The following TARP variants were observed in gnomAD, a reference collection of about 807,000 sequenced individuals.
At chr7:38,259,750 G>A in the TARP span, 1 of 207,254 alleles carries the variant, frequency 4.8e-6, no homozygotes. Flanking sequence ...AGGCTTCCAG[G>A]CAGTTATCTG....
chr7:38,263,311 C>A, the TARP span, among the ~76,000 whole-genome samples: 1 of 151,912 alleles, frequency 6.6e-6, no homozygotes, highest in Non-Finnish European at 1.5e-5. Context: ...GTGCAGGCAA[C>A]TTGCCGAGAA....
At chr7:38,262,025 A>T in the TARP span, 1 of 718,798 alleles carries the variant, frequency 1.4e-6, no homozygotes, top group African/African-American at 1.8e-5. Context: ...TTGTTAATAC[A>T]ACTCCTAGAA....
chr7:38,260,620 C>G, the TARP span, among the ~76,000 whole-genome samples: 1 of 151,610 alleles, frequency 6.6e-6, no homozygotes, highest in East Asian at 1.9e-4. Flanking sequence ...TGAGGTTTTG[C>G]AAGAGATATG....
chr7:38,267,838 T>C, the TARP span, among the ~76,000 whole-genome samples: 2 of 151,528 alleles, frequency 1.3e-5, no homozygotes, highest in Non-Finnish European at 2.9e-5. Flanking sequence ...CTAGTGTCTC[T>C]TCATTGAAAT....
At chr7:38,268,861 A>G in the TARP span, among the ~76,000 whole-genome samples, 2 of 151,336 alleles carry the variant, frequency 1.3e-5, no homozygotes, top group Non-Finnish European at 2.9e-5. Flanking sequence ...GCAACTCTCC[A>G]TAGTAGATCC....
At chr7:38,272,856 C>T in the TARP span, among the ~76,000 whole-genome samples, 18 of 151,054 alleles carry the variant, frequency 1.2e-4, no homozygotes, top group East Asian at 1.2e-3. Context: ...AAAAGAGAAT[C>T]GGAAGGTCAC....
the TARP span, among the ~76,000 whole-genome samples, chr7:38,271,399 G>A: frequency 1.3e-5 from 2 of 151,422 alleles, no homozygotes; most frequent in East Asian, 3.9e-4. Context: ...ATGGGGAGGT[G>A]CCTTATGTAT....
the TARP span, among the ~76,000 whole-genome samples, chr7:38,260,940 T>A: frequency 6.6e-6 from 1 of 151,778 alleles, no homozygotes; most frequent in East Asian, 1.9e-4. Context: ...CTAGTCGCAT[T>A]CTTTGTGCAT....
At chr7:38,265,558 A>G in the TARP span, 6 of 1,612,128 alleles carry the variant, frequency 3.7e-6, 1 homozygote, top group African/African-American at 8.1e-5. Flanking sequence ...TATCTTAATA[A>G]CATCAGGGAA....
the TARP span, among the ~76,000 whole-genome samples, chr7:38,272,782 T>C: frequency 6.6e-6 from 1 of 150,418 alleles, no homozygotes; most frequent in African/African-American, 2.5e-5. Context: ...TCCTGAAAAA[T>C]CACTTCTCAG....
At chr7:38,269,793 A>T in the TARP span, among the ~76,000 whole-genome samples, 1 of 152,064 alleles carries the variant, frequency 6.6e-6, no homozygotes, top group African/African-American at 2.4e-5. Flanking sequence ...AGATATAAAA[A>T]AGCAATTTGA....
At chr7:38,273,304 CAA>C in the TARP span, among the ~76,000 whole-genome samples, 3 of 148,706 alleles carry the variant, frequency 2.0e-5, no homozygotes, top group South Asian at 6.4e-4. Context: ...AATAAAATCT[CAA>C]AACTAAACTT....
the TARP span, among the ~76,000 whole-genome samples, chr7:38,268,158 C>T: frequency 2.6e-5 from 4 of 151,080 alleles, no homozygotes; most frequent in East Asian, 7.7e-4. Flanking sequence ...AAGTATGGTA[C>T]ATTTTTACTT....
At chr7:38,264,516 G>A in the TARP span, among the ~76,000 whole-genome samples, 125 of 151,554 alleles carry the variant, frequency 8.2e-4, no homozygotes, top group African/African-American at 1.2e-3. Context: ...ACTTGAACCC[G>A]GGAGGTGGAG....
At chr7:38,264,497 A>C in the TARP span, among the ~76,000 whole-genome samples, 1 of 151,530 alleles carries the variant, frequency 6.6e-6, no homozygotes, top group Non-Finnish European at 1.5e-5. Flanking sequence ...AGGCTGAAGT[A>C]AGAGAATCAC....
chr7:38,262,682 T>TGGA, the TARP span, among the ~76,000 whole-genome samples: 1 of 151,598 alleles, frequency 6.6e-6, no homozygotes, highest in South Asian at 2.1e-4. Context: ...AGGGTCTCAC[T>TGGA]GTCACCCAGG....
the TARP span, among the ~76,000 whole-genome samples, chr7:38,272,720 C>T: frequency 5.1e-4 from 76 of 149,910 alleles, no homozygotes; most frequent in African/African-American, 1.7e-3. Context: ...ATAGAAAGTG[C>T]TAGCTCCAGG....
chr7:38,261,289 T>C, the TARP span, among the ~76,000 whole-genome samples: 1 of 151,784 alleles, frequency 6.6e-6, no homozygotes. Context: ...ACATAAACTC[T>C]TTGTTTGATG....
chr7:38,262,517 T>G, the TARP span, among the ~76,000 whole-genome samples: 1 of 151,776 alleles, frequency 6.6e-6, no homozygotes, highest in African/African-American at 2.4e-5. Flanking sequence ...CCTAGCATAG[T>G]GACTGCCACA....
Sources: gnomAD v4.1 joint callset for allele counts (sites outside exome capture counted in the v4.1 genomes callset) on GRCh38, gnomAD v4.1.1 for gene constraint, MANE v1.5 for transcripts.